SUGP2: variants seen among roughly 807,000 people sequenced by gnomAD.
SUGP2 encodes the protein SURP and G-patch domain-containing protein 2.
Under a neutral mutation model 90.5 loss-of-function variants are expected in SUGP2, and 24 were observed. The observed-to-expected ratio is 0.27, with a 90% confidence interval of 0.19 to 0.37. The LOEUF (loss-of-function observed/expected upper bound fraction) is 0.37. SUGP2 is among the 10% of genes least tolerant of loss of function. The pLI is 1.00. For missense variants in SUGP2, 1,233 were observed against 1,363.3 expected (o/e 0.90, Z 1.51); for synonymous variants, 473 against 513.4 (o/e 0.92, Z 1.06).
intron 4 of SUGP2, among the ~76,000 whole-genome samples, chr19:19,011,872 A>G (rs2058326143): frequency 6.6e-6 from 1 of 152,214 alleles, no homozygotes; most frequent in African/African-American, 2.4e-5. Context: ...CAACAAACAT[A>G]ACAGACTTTT....
chr19:19,024,707 G>A lies in SUGP2; in HGVS notation c.1641C>T (p.Ala547=), dbSNP rs777002440. 20 of 1,613,992 alleles carry A rather than the reference G, an allele frequency of 1.2e-5. No homozygotes were observed. The highest frequency in any genetic ancestry group is 8.8e-5 in the South Asian group (8 of 91,088). ...CCTCCTCTCGCATCGGCTCTGGTTC[G>A]GCTTTCTTAACCTGGAGGGGACATC... The part of the protein sequence containing the change: ...SSGCPLQVKK[A]EPEPMREEEK... The change falls in exon 3 of 11, where the codon GCC becomes GCT. Residue 547 remains alanine (A), a synonymous_variant. Transcript: ENST00000452918.
At chr19:19,009,720 T>C in intron 5 of SUGP2, 135 bp downstream of exon 5, 4 of 1,167,416 alleles carry the variant, frequency 3.4e-6, no homozygotes, top group Non-Finnish European at 4.8e-6. Context: ...ACATGTACAC[T>C]TGTCCTGGCC....
At chr19:19,033,392 C>T (rs1314656193) in intron 1 of SUGP2, 45 bp downstream of exon 1, 1 of 1,246,634 alleles carries the variant, frequency 8.0e-7, no homozygotes, top group South Asian at 2.2e-5. Context: ...CCGAGCTTCC[C>T]ACCCCGGGAG....
Position 19,024,740 on chromosome 19 carries a change from G to A in SUGP2, c.1608C>T (p.Val536=), listed in dbSNP as rs2058857668. 1 of 1,614,190 alleles carries A rather than the reference G, an allele frequency of 6.2e-7. No homozygotes were observed. ...EYIDHLKAWL[V]SSGCPLQVKK... ...TAACCTGGAGGGGACATCCGCTGCT[G>A]ACTAGCCAGGCCTTCAGGTGGTCTA... The change falls in exon 3 of 11, where the codon GTC becomes GTT. Residue 536 remains valine, a synonymous_variant. Transcript: ENST00000452918.
At chr19:19,001,918 C>T (rs145750767) in intron 7 of SUGP2, among the ~76,000 whole-genome samples, 2 of 152,274 alleles carry the variant, frequency 1.3e-5, no homozygotes, top group East Asian at 1.9e-4. Context: ...GTTCACTGAG[C>T]GGTGCCTTGC....
chr19:19,018,378 C>G (rs151162943), intron 4 of SUGP2, among the ~76,000 whole-genome samples: 3 of 150,200 alleles, frequency 2.0e-5, no homozygotes, highest in Non-Finnish European at 4.4e-5. Flanking sequence ...ATATTTAGGA[C>G]GCAAACTGTA....
At chr19:18,995,349 C>A (rs958378498) in intron 8 of SUGP2, 69 bp from the exon 9 acceptor site, 2 of 1,479,858 alleles carry the variant, frequency 1.4e-6, no homozygotes, top group East Asian at 2.4e-5. Flanking sequence ...CTGTCCTAGG[C>A]TATGCCTGGA....
chr19:19,004,664 T>C lies in SUGP2; in HGVS notation c.2451-18A>G, dbSNP rs566323836. On this transcript the variant is annotated intron_variant, in intron 6 of 10. Coordinates refer to ENST00000452918, the MANE Select transcript of SUGP2 (RefSeq NM_001017392.5). ...GTAGAAACCTGGGGCACAGAGGAAA[T>C]ACATTGGGTAACCAGATGGAATCTC... 4 of 1,552,972 alleles carry C rather than the reference T, an allele frequency of 2.6e-6. No homozygotes were observed. In the African/African-American group the frequency reaches 5.4e-5, roughly 21 times the overall value.
chr19:19,026,391 G>A (rs1177355907), intron 2 of SUGP2, among the ~76,000 whole-genome samples, 165 bp from the exon 3 acceptor site: 1 of 152,178 alleles, frequency 6.6e-6, no homozygotes, highest in African/African-American at 2.4e-5. Flanking sequence ...CATTTAAAAT[G>A]CGTGTGGTGT....
Position 19,004,093 on chromosome 19 carries a change from T to C in SUGP2, c.2929+75A>G, listed in dbSNP as rs983443616. 5 of 1,152,690 alleles carry C rather than the reference T, an allele frequency of 4.3e-6. No individual in the cohort carries two copies. The African/African-American group carries it at 4.7e-5, about 11-fold the overall frequency. 71.4% of individuals were successfully genotyped at this position (1,152,690 alleles called of 1,614,324 possible). A position where few individuals can be genotyped will look rare whatever the true frequency, so the allele number is the denominator to read the frequency against. On this transcript the variant is annotated intron_variant, in intron 7 of 10. Coordinates refer to ENST00000452918, the MANE Select transcript of SUGP2 (RefSeq NM_001017392.5). ...TCTTTTGGATTAAAATGTCTCCACC[T>C]GTCTCTTCTAACTCTCACAGCCCAC...
intron 4 of SUGP2, among the ~76,000 whole-genome samples, chr19:19,012,468 A>T (rs1345147148): frequency 6.6e-6 from 1 of 152,220 alleles, no homozygotes; most frequent in African/African-American, 2.4e-5. Context: ...CCCAAGTTCC[A>T]GTGGAACATA....
At position 19,024,718 on chromosome 19, in the gene SUGP2, C is replaced by A; in HGVS notation, c.1630G>T (p.Val544Phe). Residue 544 changes from valine (V) to phenylalanine (F), a missense_variant, in exon 3 of 11, where the codon GTT (valine) becomes TTT (phenylalanine). Physicochemically the swap from Val to Phe is conservative, Grantham distance 50 (BLOSUM62 -1). This residue lies in a region of SUGP2 where 540 missense variants were observed against 542.6 expected (regional missense o/e 1.00). Transcript: ENST00000452918. ...WLVSSGCPLQ[V>F]KKAEPEPMRE... is the part of the protein sequence containing the mutation. ...ATCGGCTCTGGTTCGGCTTTCTTAA[C>A]CTGGAGGGGACATCCGCTGCTGACT... 3 of 1,614,184 alleles carry A rather than the reference C, an allele frequency of 1.9e-6. No individual in the cohort carries two copies. The highest frequency in any genetic ancestry group is 2.5e-6 in the Non-Finnish European group (3 of 1,180,042).
rs2057979293 is a variant in SUGP2 at position 19,004,482 on chromosome 19, G to C, written c.2615C>G (p.Ala872Gly). 7 of 1,614,120 alleles carry C rather than the reference G, an allele frequency of 4.3e-6. No individual in the cohort carries two copies. The highest frequency in any genetic ancestry group is 1.3e-5 in the African/African-American group (1 of 74,942). ...ESPVDLMEGE[A>G]EFEDEPPPRE... ...CGGAGGGGGCTCGTCTTCAAACTCTGCTTCCCCTTCCATGAGGTCCACGGG... is the reference window on the plus strand; with the variant it reads ...CGGAGGGGGCTCGTCTTCAAACTCTCCTTCCCCTTCCATGAGGTCCACGGG... The change falls in exon 7 of 11, where the codon GCA becomes GGA. Residue 872 changes from alanine to glycine, a missense_variant. Physicochemically the swap from Ala to Gly is moderately conservative, Grantham distance 60. Around this residue, in one of 8 missense-constraint regions of SUGP2, gnomAD observed 540 missense variants for 542.6 expected, o/e 1.00. Transcript: ENST00000452918.
At position 19,033,475 on chromosome 19, in the gene SUGP2, C is replaced by T; in HGVS notation, c.-50G>A. On this transcript the variant is annotated 5_prime_UTR_variant, in exon 1 of 11. Transcript: ENST00000452918. Reference sequence around the variant, plus strand: ...CGCGCGGAGCCACCCCCGCCGCCGCCTCAGGCTCCTCACCCGCCGCCGCCG... The same window carrying T: ...CGCGCGGAGCCACCCCCGCCGCCGCTTCAGGCTCCTCACCCGCCGCCGCCG... 3 of 1,409,654 alleles carry T rather than the reference C, an allele frequency of 2.1e-6. No homozygotes were observed. Among genetic ancestry groups the T allele is most frequent in the Non-Finnish European group, 1.9e-6 (2 of 1,080,988 alleles). 87.3% of individuals were successfully genotyped at this position (1,409,654 alleles called of 1,614,324 possible). A position where few individuals can be genotyped will look rare whatever the true frequency, so the allele number is the denominator to read the frequency against.
At chr19:18,997,578 T>G (rs959454977) in intron 8 of SUGP2, among the ~76,000 whole-genome samples, 2 of 150,542 alleles carry the variant, frequency 1.3e-5, no homozygotes, top group East Asian at 3.9e-4. Context: ...ATGTCAGGAG[T>G]TTGAGACCAG....
At chr19:19,011,982 A>C (rs931621954) in intron 4 of SUGP2, among the ~76,000 whole-genome samples, 2 of 152,248 alleles carry the variant, frequency 1.3e-5, no homozygotes, top group Non-Finnish European at 2.9e-5. Flanking sequence ...AAGTAGCGAC[A>C]TATCAGTTAT....
At chr19:19,033,657 TG>T, upstream of SUGP2, 1 of 854,338 alleles carries the variant, frequency 1.2e-6, no homozygotes, top group Non-Finnish European at 1.5e-6. Flanking sequence ...GCGGACGCTC[TG>T]GAGGCAAAAC....
At chr19:19,031,533 CAAA>C (rs912857757) in intron 1 of SUGP2, among the ~76,000 whole-genome samples, 7 of 71,884 alleles carry the variant, frequency 9.7e-5, no homozygotes, top group Admixed American at 1.6e-4. Context: ...GACTCCGTCT[CAAA>C]AAAAAAAAAA....
rs2057864903 is a variant in SUGP2, at chr19:19,002,264, C to T, written c.2930-590G>A. Among the ~76,000 whole-genome samples, 8 of 151,992 alleles carry T rather than the reference C, an allele frequency of 5.3e-5. No homozygotes were observed. In the South Asian group the frequency reaches 1.7e-3, roughly 32 times the overall value. On this transcript the variant is annotated intron_variant, in intron 7 of 10. Coordinates refer to ENST00000452918, the MANE Select transcript of SUGP2 (RefSeq NM_001017392.5). ...GCGTGGTGGCGGGAGCCTGCAATCC[C>T]AGCTATTCAGGAGGCTGAGGCAGGA...
Sources: gnomAD v4.1 joint callset for allele counts (sites outside exome capture counted in the v4.1 genomes callset) on GRCh38, gnomAD v4.1.1 for gene constraint, gnomAD v4.1.1 regional missense constraint, MANE v1.5 for transcripts, NCBI Gene and HGNC (gene_info 2026-07-23, HGNC 2026-07-21) for gene names.